ATPAF1: variants seen among roughly 807,000 people sequenced by gnomAD.
The protein encoded by ATPAF1 is homolog of yeast ATP11.
In ATPAF1, 26 loss-of-function variants were observed where a neutral mutation model predicts 43.9. The ratio of observed to expected loss-of-function variants is 0.59; its 90% confidence interval spans 0.43 to 0.82. ATPAF1 has a LOEUF of 0.82. Among genes scored for constraint, ATPAF1 ranks in the 40% least tolerant of loss-of-function variants. The probability of loss-of-function intolerance (pLI) is 0.00; values close to 1 mark genes in which losing one functional copy is unlikely to be tolerated. For missense variants in ATPAF1, 366 were observed against 435.0 expected, an observed-to-expected ratio of 0.84 and a Z score of 1.41; for synonymous variants, 157 against 168.0, an observed-to-expected ratio of 0.93 and a Z score of 0.50.
At chr1:46,639,036 T>C (rs11804665) in intron 8 of ATPAF1, among the ~76,000 whole-genome samples, 39,847 of 152,072 alleles carry the variant, frequency 0.26, 5,515 homozygotes, top group East Asian at 0.38. Flanking sequence ...AACTGACTTC[T>C]AAATTATCAT....
intron 2 of ATPAF1, among the ~76,000 whole-genome samples, chr1:46,662,762 A>G (rs1445571202): frequency 2.0e-5 from 3 of 152,092 alleles, no homozygotes; most frequent in African/African-American, 4.8e-5. Context: ...AATTAACTCA[A>G]TTAGTCATTT....
chr1:46,648,047 G>A (rs1276622038), intron 6 of ATPAF1, among the ~76,000 whole-genome samples: 4 of 152,148 alleles, frequency 2.6e-5, no homozygotes, highest in Non-Finnish European at 4.4e-5. Context: ...GACTAATGTT[G>A]CTATGAATGT....
At chr1:46,648,012 G>A (rs1676074741) in intron 6 of ATPAF1, among the ~76,000 whole-genome samples, 1 of 152,194 alleles carries the variant, frequency 6.6e-6, no homozygotes, top group African/African-American at 2.4e-5. Context: ...GATATAACTT[G>A]AGCTATACAC....
chr1:46,642,709 C>T (rs995079365), intron 8 of ATPAF1, among the ~76,000 whole-genome samples: 2 of 152,186 alleles, frequency 1.3e-5, no homozygotes, highest in Non-Finnish European at 2.9e-5. Flanking sequence ...AATCTCTTAT[C>T]TGAAACCCTT....
chr1:46,634,607 A>G (rs977090409), downstream of ATPAF1: 1 of 152,264 alleles, frequency 6.6e-6, no homozygotes, highest in Non-Finnish European at 1.5e-5. Context: ...ACAGAGCAAG[A>G]CTTCATCTCA....
rs894788263 is a variant in ATPAF1, at chr1:46,639,668, G to C, written c.792+3526C>G. Among the ~76,000 whole-genome samples the C allele has an allele frequency of 7.2e-5, 11 of 152,150 alleles. 1 individual carries two copies. Among genetic ancestry groups the C allele is most frequent in the Admixed American group, 5.2e-4 (8 of 15,276 alleles). ...ACTATGCCTAAAGTGCACAATTCAT[G>C]CATGAGTATACAGGGGATCATATAT... On this transcript the variant is annotated intron_variant, in intron 8 of 8. Coordinates refer to ENST00000574428, the Ensembl canonical transcript of ATPAF1.
At chr1:46,638,199 C>A (rs913105173) in intron 8 of ATPAF1, among the ~76,000 whole-genome samples, 1 of 152,168 alleles carries the variant, frequency 6.6e-6, no homozygotes, top group African/African-American at 2.4e-5. Context: ...GCTGTTCAAA[C>A]TATTCTGTAG....
At chr1:46,662,451 AT>A (rs34146400) in intron 2 of ATPAF1, among the ~76,000 whole-genome samples, 174 of 140,068 alleles carry the variant, frequency 1.2e-3, no homozygotes, top group Middle Eastern at 3.6e-3. Context: ...CCCATCTGTT[AT>A]TTTTTTTTTT....
chr1:46,634,046 G>A, downstream of ATPAF1: 3 of 348,368 alleles, frequency 8.6e-6, 1 homozygote, highest in South Asian at 6.9e-5. Flanking sequence ...AATAGTGAAA[G>A]GATAGCAGCT....
intron 2 of ATPAF1, among the ~76,000 whole-genome samples, chr1:46,660,087 C>T (rs1569632516): frequency 6.6e-6 from 1 of 151,968 alleles, no homozygotes; most frequent in African/African-American, 2.4e-5. Context: ...AGTGATTCTC[C>T]CACCTCAGTC....
chr1:46,654,557 T>G (rs1255590978), intron 4 of ATPAF1, among the ~76,000 whole-genome samples: 2 of 147,714 alleles, frequency 1.4e-5, no homozygotes, highest in African/African-American at 2.5e-5. Context: ...TTATTATTAT[T>G]ATTGTACTTT....
chr1:46,663,593 G>A (rs1350368879), intron 2 of ATPAF1, among the ~76,000 whole-genome samples: 1 of 151,632 alleles, frequency 6.6e-6, no homozygotes, highest in African/African-American at 2.4e-5. Flanking sequence ...TTTGAGAAGT[G>A]TCTGTTCGTA....
At chr1:46,659,333 TCCACCTG>T (rs1557932809) in intron 2 of ATPAF1, among the ~76,000 whole-genome samples, 1 of 151,982 alleles carries the variant, frequency 6.6e-6, no homozygotes, top group African/African-American at 2.4e-5. Context: ...GAGTCCATTC[TCCACCTG>T]CCACTGTGGA....
intron 4 of ATPAF1, among the ~76,000 whole-genome samples, chr1:46,655,006 C>A (rs994397875): frequency 6.6e-6 from 1 of 152,096 alleles, no homozygotes; most frequent in Admixed American, 6.6e-5. Flanking sequence ...CGTTAAGAAT[C>A]TTACAATCAT....
chr1:46,647,279 T>C (rs1676061362), intron 6 of ATPAF1, among the ~76,000 whole-genome samples: 1 of 152,152 alleles, frequency 6.6e-6, no homozygotes, highest in African/African-American at 2.4e-5. Context: ...CTACCTGTAT[T>C]GCAGCCACCC....
In ATPAF1 at chr1:46,668,295, C is replaced by T; in HGVS notation, c.28G>A (p.Gly10Ser). 7.2e-7 allele frequency: 1 copy of T among 1,382,622 alleles called. No homozygotes were observed. Among genetic ancestry groups the T allele is most frequent in the Non-Finnish European group, 9.4e-7 (1 of 1,063,164 alleles). 85.6% of individuals were successfully genotyped at this position (1,382,622 alleles called of 1,614,324 possible). Reference sequence around the variant, plus strand: ...TGCAGGACCGCCGGTCCCGCGCCACCCGCAGCCGCCACCACCACAGCAGCC... The same window carrying T: ...TGCAGGACCGCCGGTCCCGCGCCACTCGCAGCCGCCACCACCACAGCAGCC... The change falls in exon 1 of 9, where the codon GGT becomes AGT. Residue 10 changes from glycine (G) to serine (S), a missense_variant. Gly to Ser is a moderately conservative substitution (Grantham distance 56). Around this residue, in one of 2 missense-constraint regions of ATPAF1, gnomAD observed 186 missense variants for 168.5 expected, o/e 1.10. Transcript: ENST00000574428. This position sits in a 1 kb window ranked among gnomAD's most constrained non-coding sequence, Gnocchi z 4.4.
At chr1:46,633,798 T>C (rs1290055380), downstream of ATPAF1, 3 of 456,300 alleles carry the variant, frequency 6.6e-6, no homozygotes, top group Non-Finnish European at 1.3e-5. Context: ...GGTGTATCAA[T>C]GTACTATGTA....
chr1:46,645,959 G>C (rs1169779321), intron 6 of ATPAF1, among the ~76,000 whole-genome samples: 1 of 152,198 alleles, frequency 6.6e-6, no homozygotes, highest in Non-Finnish European at 1.5e-5. Flanking sequence ...AGGATCACTT[G>C]AGCTCAGGAG....
rs1423781435 is a variant in ATPAF1, at chr1:46,658,202, A to C, written c.427-13T>G. On this transcript the variant is annotated splice_polypyrimidine_tract_variant and intron_variant, in intron 3 of 8. Coordinates refer to ENST00000574428, the Ensembl canonical transcript of ATPAF1. Reference sequence around the variant, plus strand: ...TTGAACTGAGAGTCTTGAAAGAGACAATAAAAAGCAATTAACACATAATTA... The same window carrying C: ...TTGAACTGAGAGTCTTGAAAGAGACCATAAAAAGCAATTAACACATAATTA... 2 of 1,576,586 alleles carry C rather than the reference A, an allele frequency of 1.3e-6. No individual in the cohort carries two copies. The highest frequency in any genetic ancestry group is 4.5e-5 in the East Asian group (2 of 44,524).
Sources: gnomAD v4.1 joint callset for allele counts (sites outside exome capture counted in the v4.1 genomes callset) on GRCh38, gnomAD v4.1.1 for gene constraint, gnomAD v4.1.1 regional missense constraint, Gnocchi (gnomAD v3.1) non-coding constraint, MANE v1.5 for transcripts, NCBI Gene and HGNC (gene_info 2026-07-23, HGNC 2026-07-21) for gene names.